NPC1: variants seen among roughly 807,000 people sequenced by gnomAD.
The protein encoded by NPC1 is NPC intracellular cholesterol transporter 1, also known as Niemann-Pick C1 protein.
Under a neutral mutation model 140.4 loss-of-function variants are expected in NPC1, and 85 were observed. The ratio of observed to expected loss-of-function variants is 0.61; its 90% confidence interval spans 0.51 to 0.72. The LOEUF is 0.72. Among genes scored for constraint, NPC1 ranks in the 30% least tolerant of loss-of-function variants. The pLI is 0.00. For missense variants in NPC1, 1,504 were observed against 1,623.8 expected (o/e 0.93, Z 1.27); for synonymous variants, 656 against 624.8 (o/e 1.05, Z -0.74).
At chr18:23,582,118 A>G (rs561352672) in intron 1 of NPC1, 2 of 152,282 alleles carry the variant, frequency 1.3e-5, no homozygotes, top group South Asian at 4.1e-4. Flanking sequence ...CCTTAGGACC[A>G]GCCTAGACTG....
At position 23,538,610 on chromosome 18, in the gene NPC1, C is replaced by A. The variant is rs201118975; in HGVS notation, c.2973G>T (p.Gln991His). 10 of 1,614,020 alleles carry A rather than the reference C, an allele frequency of 6.2e-6. No homozygotes were observed. Among genetic ancestry groups the A allele is most frequent in the South Asian group, 2.2e-5 (2 of 91,076 alleles). ...GCAGGAATCTCATGAAGTCTCCCCC[C>A]TGAGGCCTCTGTTTGCCTTCCGGAG... is the stretch of plus-strand genomic sequence containing the variant. ...PLTPEGKQRP[Q>H]GGDFMRFLPM... The change falls in exon 20 of 25, where the codon CAG (glutamine) becomes CAT (histidine). Residue 991 changes from glutamine to histidine, a missense_variant. Physicochemically the swap from Gln to His is conservative, Grantham distance 24. Transcript: ENST00000269228.
At chr18:23,514,003 A>C (rs1465281890) in intron 3 of NPC1, among the ~76,000 whole-genome samples, 2 of 152,184 alleles carry the variant, frequency 1.3e-5, no homozygotes, top group Non-Finnish European at 2.9e-5. Flanking sequence ...GTGTCCTTTG[A>C]TGTACCTGCC....
chr18:23,539,116 T>G (rs866668618), intron 19 of NPC1, among the ~76,000 whole-genome samples: 4 of 152,114 alleles, frequency 2.6e-5, no homozygotes, highest in Non-Finnish European at 5.9e-5. Flanking sequence ...AAACCTTATG[T>G]GGAAACCACA....
At chr18:23,544,558 A>C in intron 12 of NPC1, 32 bp from the exon 13 acceptor site, 2 of 1,606,766 alleles carry the variant, frequency 1.2e-6, no homozygotes, top group Non-Finnish European at 1.7e-6. Context: ...ATCACCAATT[A>C]GTTACAGGGT....
rs530675070 is a variant in NPC1, at chr18:23,532,174, A to C, written c.*28T>G. The C allele has an allele frequency of 2.0e-5, 32 of 1,614,104 alleles. No homozygotes were observed. Among genetic ancestry groups the C allele is most frequent in the Non-Finnish European group, 1.7e-5 (20 of 1,180,038 alleles). ...GGTAAACCGACCGACCCTTAGACACAGTTCAGTCAGGATGCCCTGCGAGAG... is the reference window on the plus strand; with the variant it reads ...GGTAAACCGACCGACCCTTAGACACCGTTCAGTCAGGATGCCCTGCGAGAG... On this transcript the variant is annotated 3_prime_UTR_variant, in exon 25 of 25. Coordinates refer to ENST00000269228, the MANE Select transcript of NPC1 (RefSeq NM_000271.5).
downstream of NPC1, chr18:23,529,072 T>C (rs1184737967): frequency 6.7e-6 from 10 of 1,495,662 alleles, no homozygotes; most frequent in Non-Finnish European, 8.9e-6. Context: ...TGTTTTCCGC[T>C]CATATCCTGG....
At chr18:23,529,831 C>T, downstream of NPC1, 1 of 1,120,826 alleles carries the variant, frequency 8.9e-7, no homozygotes, top group East Asian at 2.3e-5. Context: ...ACTCAGAATG[C>T]TGAGTGACTC....
intron 11 of NPC1, among the ~76,000 whole-genome samples, chr18:23,545,522 G>T (rs907686911): frequency 6.6e-6 from 1 of 152,216 alleles, no homozygotes; most frequent in East Asian, 1.9e-4. Context: ...GGGATTACAG[G>T]CGTGAGCCAC....
intron 1 of NPC1, chr18:23,576,390 C>T: frequency 2.5e-6 from 2 of 786,316 alleles, no homozygotes; most frequent in Non-Finnish European, 3.1e-6. Context: ...CCTCTGCACT[C>T]CAGCCTGGAC....
chr18:23,534,461 G>C lies in NPC1; in HGVS notation c.3576C>G (p.Ala1192=), dbSNP rs1393270334. The change falls in exon 23 of 25, where the codon GCC becomes GCG. Residue 1192 remains alanine, a synonymous_variant. Coordinates refer to ENST00000269228, the MANE Select transcript of NPC1 (RefSeq NM_000271.5). ...SRVERAEEAL[A]HMGSSVFSGI... ...GGGTACTCACGGAGCTGCCCATGTG[G>C]GCAAGTGCCTCTTCCGCGCGCTCCA... 7 of 1,613,190 alleles carry C rather than the reference G, an allele frequency of 4.3e-6. No homozygotes were observed. Among genetic ancestry groups the C allele is most frequent in the Non-Finnish European group, 5.9e-6 (7 of 1,179,708 alleles).
intron 1 of NPC1, among the ~76,000 whole-genome samples, chr18:23,580,821 T>C (rs919609452): frequency 3.9e-5 from 6 of 152,176 alleles, no homozygotes; most frequent in African/African-American, 1.2e-4. Context: ...TGCTGCTTCT[T>C]TGGAGTCAGG....
At chr18:23,515,355 C>A (rs1419694843) in intron 3 of NPC1, among the ~76,000 whole-genome samples, 1 of 152,144 alleles carries the variant, frequency 6.6e-6, no homozygotes, top group Non-Finnish European at 1.5e-5. Context: ...ATGCCTGCCT[C>A]TCAGTCGTGG....
chr18:23,536,734 C>T lies in NPC1; in HGVS notation c.3184G>A (p.Ala1062Thr), dbSNP rs369960141. 6.2e-7 allele frequency: 1 copy of T among 1,614,190 alleles called. No homozygotes were observed. The highest frequency in any genetic ancestry group is 8.5e-7 in the Non-Finnish European group (1 of 1,180,026). Residue 1062 changes from alanine to threonine, a missense_variant, in exon 21 of 25, where the codon GCC (alanine) becomes ACC (threonine). Coordinates refer to ENST00000269228, the MANE Select transcript of NPC1 (RefSeq NM_000271.5). Reference protein sequence around the residue: ...IDALKKARLIASNVTETMGIN... With the variant: ...IDALKKARLITSNVTETMGIN... ...CCCATGGTTTCGGTGACATTACTGG[C>T]TATAAGTCGGGCTTTCTTCAGAGCG...
chr18:23,540,022 TAGGAGAG>T (rs1340840109), intron 17 of NPC1, 21 bp from the exon 18 acceptor site: 5 of 1,599,384 alleles, frequency 3.1e-6, no homozygotes, highest in Non-Finnish European at 4.3e-6. Flanking sequence ...GATAAAAGAA[TAGGAGAG>T]AGTGTGAACA....
At chr18:23,517,748 C>A (rs1185508961), downstream of NPC1, among the ~76,000 whole-genome samples, 1 of 151,252 alleles carries the variant, frequency 6.6e-6, no homozygotes. Context: ...TGGAGAGTGT[C>A]GCTCTGTTGC....
chr18:23,532,992 T>C (rs773805450), intron 24 of NPC1: 167 of 962,964 alleles, frequency 1.7e-4, no homozygotes, highest in Non-Finnish European at 2.0e-4. Context: ...AAAAAGCTGT[T>C]CTGCAGCACT....
Position 23,567,444 on chromosome 18 carries a change from G to C in NPC1, c.463+1379C>G, listed in dbSNP as rs144627419. ...ACCACTGTATGCCTTCTTTGGTGAG[G>C]TATCTGTTCAGGTTGTTTTGTCCAT... On this transcript the variant is annotated intron_variant, in intron 4 of 24. Transcript: ENST00000269228. Among the ~76,000 whole-genome samples the C allele has an allele frequency of 7.9e-4, 120 of 152,260 alleles. 1 individual carries two copies. The highest frequency in any genetic ancestry group is 2.7e-3 in the African/African-American group (111 of 41,550).
In NPC1 at chr18:23,507,179, T is replaced by G. The variant is rs17202709; in HGVS notation, c.432-537A>C. The G allele has an allele frequency of 3.7e-3, 2,404 of 643,106 alleles. 11 individuals are homozygous for G. Among genetic ancestry groups the G allele is most frequent in the Non-Finnish European group, 5.9e-3 (2,198 of 374,172 alleles). 39.8% of individuals were successfully genotyped at this position (643,106 alleles called of 1,614,324 possible). A position where few individuals can be genotyped will look rare whatever the true frequency, so the allele number is the denominator to read the frequency against. ...CTTACTGTTGTGAAAGGTATAGTTA[T>G]GTTGCATTGTATTAGAGCCTTCAAA... is the stretch of plus-strand genomic sequence containing the variant. On this transcript the variant is annotated intron_variant, in intron 3 of 3. Coordinates refer to the NPC1 transcript ENST00000591107.
In NPC1 at chr18:23,544,943, A is replaced by ACACGC; in HGVS notation, c.1947+16_1947+17insGCGTG. 1 of 1,032,988 alleles carries ACACGC rather than the reference A, an allele frequency of 9.7e-7. No homozygotes were observed. The highest frequency in any genetic ancestry group is 2.2e-5 in the Admixed American group (1 of 44,634). The allele number at this position is 1,032,988 out of a possible 1,614,324, so 64.0% of individuals were successfully genotyped here. ...GCTGTTAACCTCTAGAACATACACC[A>ACACGC]CCCCCCCCCGGCTTACCAGAAGCCT... is the stretch of plus-strand genomic sequence containing the variant. On this transcript the variant is annotated intron_variant, in intron 12 of 24. Coordinates refer to ENST00000269228, the MANE Select transcript of NPC1 (RefSeq NM_000271.5).
Sources: allele counts gnomAD v4.1 joint callset (sites outside exome capture counted in the v4.1 genomes callset), GRCh38; gene constraint gnomAD v4.1.1; transcripts MANE v1.5; gene names NCBI Gene and HGNC (gene_info 2026-07-23, HGNC 2026-07-21).